SYNE1: variants seen among roughly 807,000 people sequenced by gnomAD.
The protein encoded by SYNE1 is spectrin repeat containing nuclear envelope protein 1, also known as nesprin-1.
A neutral mutation model predicts 1,111.0 loss-of-function variants in SYNE1; 616 were observed. The ratio of observed to expected loss-of-function variants is 0.55; its 90% CI spans 0.52 to 0.59. The LOEUF (loss-of-function observed/expected upper bound fraction) is 0.59. SYNE1 is among the 20% of genes least tolerant of loss of function. The pLI is 0.00. For synonymous variants in SYNE1, 3,855 were observed against 3,825.8 expected (o/e 1.01, Z -0.28); for missense variants, 10,006 against 10,417.0 (o/e 0.96, Z 1.72).
Position 152,376,836 on chromosome 6 carries a change from A to T in SYNE1, c.9086T>A (p.Phe3029Tyr), listed in dbSNP as rs201410714. 4 of 1,614,160 alleles carry T rather than the reference A, an allele frequency of 2.5e-6. No homozygotes were observed. Among genetic ancestry groups the T allele is most frequent in the Non-Finnish European group, 3.4e-6 (4 of 1,180,018 alleles). Residue 3029 changes from phenylalanine to tyrosine, a missense_variant, in exon 57 of 146, where the codon TTT (phenylalanine) becomes TAT (tyrosine). Around this residue, in one of 7 missense-constraint regions of SYNE1, gnomAD observed 4,955 missense variants for 5,017.2 expected, o/e 0.99. Coordinates refer to ENST00000367255, the MANE Select transcript of SYNE1 (RefSeq NM_182961.4). Reference protein sequence around the residue: ...LKSQLNELCRFSRDLSTYSGK... With the variant: ...LKSQLNELCRYSRDLSTYSGK... ...ACTGTAGGTACTCAGGTCTCTGGAA[A>T]ATCGACAAAGTTCATTCAGCTGAGA...
At chr6:152,636,448 T>A (rs1353896479) in intron 2 of SYNE1, among the ~76,000 whole-genome samples, 190 bp downstream of exon 2, 1 of 151,810 alleles carries the variant, frequency 6.6e-6, no homozygotes, top group Non-Finnish European at 1.5e-5. Context: ...AACCTCCTAG[T>A]CTCCTTATCT....
intron 112 of SYNE1, among the ~76,000 whole-genome samples, chr6:152,233,013 CAAAG>C (rs2153520677): frequency 6.6e-6 from 1 of 152,214 alleles, no homozygotes; most frequent in South Asian, 2.1e-4. Context: ...TGATGAGTGT[CAAAG>C]AGAGATAAAG....
intron 97 of SYNE1, among the ~76,000 whole-genome samples, chr6:152,280,287 A>C (rs993149575): frequency 1.2e-4 from 18 of 152,242 alleles, no homozygotes; most frequent in Admixed American, 6.5e-4. Context: ...TTAGATTTTT[A>C]AAAACTATTT....
At chr6:152,315,862 T>C (rs2095704415) in intron 87 of SYNE1, 1 of 152,088 alleles carries the variant, frequency 6.6e-6, no homozygotes, top group Non-Finnish European at 1.5e-5. Flanking sequence ...TAGGGAAAAA[T>C]TAGAAGCTGT....
chr6:152,143,538 A>C (rs2058892971), intron 138 of SYNE1, 85 bp downstream of exon 138: 1 of 1,594,716 alleles, frequency 6.3e-7, no homozygotes, highest in African/African-American at 1.3e-5. Context: ...AGACCACATA[A>C]AGCCCTGATG....
intron 121 of SYNE1, among the ~76,000 whole-genome samples, chr6:152,215,890 C>T (rs1373710510): frequency 6.6e-6 from 1 of 152,198 alleles, no homozygotes; most frequent in Non-Finnish European, 1.5e-5. Flanking sequence ...TTCACTTGAG[C>T]TATGAAGTGA....
chr6:152,502,591 C>A, intron 10 of SYNE1, 42 bp downstream of exon 10: 1 of 1,428,606 alleles, frequency 7.0e-7, no homozygotes, highest in South Asian at 1.1e-5. Flanking sequence ...GAGTCACTGT[C>A]ATTGCATATA....
At chr6:152,192,622 T>C (rs2635451) in intron 127 of SYNE1, among the ~76,000 whole-genome samples, 58,641 of 151,726 alleles carry the variant, frequency 0.39, 11,429 homozygotes, top group African/African-American at 0.45. Flanking sequence ...CAGGAGCACA[T>C]CACCATGTCC....
chr6:152,266,878 A>C (rs529207393), intron 100 of SYNE1, among the ~76,000 whole-genome samples: 1 of 152,292 alleles, frequency 6.6e-6, no homozygotes, highest in East Asian at 1.9e-4. Context: ...GTCATATGTC[A>C]GCACTGATTA....
chr6:152,397,803 C>G (rs2097758546), intron 49 of SYNE1, among the ~76,000 whole-genome samples: 2 of 151,978 alleles, frequency 1.3e-5, no homozygotes, highest in South Asian at 2.1e-4. Context: ...GAGTTTGAGA[C>G]CAGCCTGGCC....
In SYNE1 at chr6:152,225,799, G is replaced by T. The variant is rs772396355; in HGVS notation, c.21273C>A (p.Asn7091Lys). Residue 7091 changes from asparagine to lysine, a missense_variant, in exon 116 of 146, where the codon AAC becomes AAA. By Grantham distance (94) the Asn-to-Lys change is moderately conservative (BLOSUM62 0). Transcript: ENST00000367255. ...IEQNGLALIQNKKEDVSSIVM... is the reference protein window; with the variant it reads ...IEQNGLALIQKKKEDVSSIVM... Reference sequence around the variant, plus strand: ...CAATGCTAGAGACGTCTTCTTTCTTGTTCTGAATCAAAGCAAGTCCATTCT... The same window carrying T: ...CAATGCTAGAGACGTCTTCTTTCTTTTTCTGAATCAAAGCAAGTCCATTCT... 5.0e-6 allele frequency: 8 copies of T among 1,614,030 alleles called. No individual in the cohort carries two copies. The South Asian group carries it at 8.8e-5, about 18-fold the overall frequency.
At chr6:152,181,401 G>C (rs2068046962) in intron 128 of SYNE1, among the ~76,000 whole-genome samples, 1 of 152,196 alleles carries the variant, frequency 6.6e-6, no homozygotes, top group East Asian at 1.9e-4. Context: ...GACAGAGCAA[G>C]ACTCCACCTC....
chr6:152,493,109 A>G (rs1208656629), intron 11 of SYNE1, among the ~76,000 whole-genome samples: 1 of 152,004 alleles, frequency 6.6e-6, no homozygotes, highest in Non-Finnish European at 1.5e-5. Context: ...CACAAGTATG[A>G]GACAACTCTA....
At chr6:152,234,038 T>A (rs745834487) in intron 111 of SYNE1, 75 bp from the exon 112 acceptor site, 22 of 1,467,466 alleles carry the variant, frequency 1.5e-5, no homozygotes, top group Admixed American at 5.3e-5. Flanking sequence ...ACCAATTTAG[T>A]GCATGAAACA....
At chr6:152,620,141 T>C (rs200686824) in intron 3 of SYNE1, among the ~76,000 whole-genome samples, 1 of 52,422 alleles carries the variant, frequency 1.9e-5, no homozygotes, top group African/African-American at 3.8e-5. Context: ...ATTAACAACA[T>C]TAACACAGTT....
At chr6:152,372,925 G>A in intron 59 of SYNE1, 112 bp downstream of exon 59, 2 of 1,192,210 alleles carry the variant, frequency 1.7e-6, no homozygotes, top group Non-Finnish European at 2.5e-6. Flanking sequence ...TCTGAGAGGG[G>A]TAACCAAAAT....
At position 152,442,150 on chromosome 6, in the gene SYNE1, G is replaced by T. The variant is rs774093065; in HGVS notation, c.3933C>A (p.His1311Gln). 15 of 1,613,652 alleles carry T rather than the reference G, an allele frequency of 9.3e-6. No individual in the cohort carries two copies. The African/African-American group carries it at 1.2e-4, about 13-fold the overall frequency. ...TGCTCTCCAGCTTCCGCAGCTCCTC[G>T]TGGCCTCGGTCAGGCAGCCCCCCTT... ...QGEGGLPDRG[H>Q]EELRKLESTL... The change falls in exon 31 of 146, where the codon CAC becomes CAA. Residue 1311 changes from histidine to glutamine, a missense_variant. Transcript: ENST00000367255.
At chr6:152,345,218 A>G (rs183979728) in intron 73 of SYNE1, among the ~76,000 whole-genome samples, 213 of 152,306 alleles carry the variant, frequency 1.4e-3, no homozygotes, top group Non-Finnish European at 2.0e-3. Context: ...GGCTTTTCCA[A>G]CATCCACCAA....
At chr6:152,256,510 A>T (rs569399529) in intron 102 of SYNE1, 124 bp downstream of exon 102, 3 of 1,175,260 alleles carry the variant, frequency 2.6e-6, no homozygotes, top group Non-Finnish European at 2.5e-6. Flanking sequence ...TTCAGCGCTT[A>T]TCACTAGTGT....
Sources: gnomAD v4.1 joint callset for allele counts (sites outside exome capture counted in the v4.1 genomes callset) on GRCh38, gnomAD v4.1.1 for gene constraint, gnomAD v4.1.1 regional missense constraint, MANE v1.5 for transcripts, NCBI Gene and HGNC (gene_info 2026-07-23, HGNC 2026-07-21) for gene names.